Variants in NFKBIZ observed in about 807,000 individuals in gnomAD.
The protein encoded by NFKBIZ is NF-kappa-B inhibitor zeta.
A neutral mutation model predicts 76.8 loss-of-function variants in NFKBIZ; 19 were observed. The observed-to-expected ratio is 0.25, with a 90% CI of 0.17 to 0.36. The LOEUF (loss-of-function observed/expected upper bound fraction) is 0.36. Ranked by LOEUF, NFKBIZ falls within the 10% of genes least tolerant of loss-of-function variation. NFKBIZ has a pLI of 1.00. For missense variants in NFKBIZ, 829 were observed against 910.9 expected (o/e 0.91, Z 1.16); for synonymous variants, 368 against 354.8 (o/e 1.04, Z -0.42).
At chr3:101,834,156 G>A (rs970797557) in intron 2 of NFKBIZ, among the ~76,000 whole-genome samples, 5 of 152,114 alleles carry the variant, frequency 3.3e-5, no homozygotes, top group South Asian at 2.1e-4. Flanking sequence ...GGAACAGAAT[G>A]TGAAGGTTAA....
chr3:101,847,935 G>A (rs1446450985), upstream of NFKBIZ, among the ~76,000 whole-genome samples: 3 of 152,332 alleles, frequency 2.0e-5, no homozygotes, highest in African/African-American at 4.8e-5. Flanking sequence ...CTGTTCACCT[G>A]GTCGTGGCTC....
chr3:101,829,107 C>A (rs1192744871), intron 1 of NFKBIZ, among the ~76,000 whole-genome samples: 2 of 152,180 alleles, frequency 1.3e-5, no homozygotes, highest in African/African-American at 2.4e-5. Flanking sequence ...AGGCAGATAA[C>A]CCTGCCTGTT....
In NFKBIZ at chr3:101,853,560, G is replaced by T; in HGVS notation, c.1034G>T (p.Gly345Val). 6.2e-7 allele frequency: 1 copy of T among 1,614,176 alleles called. No individual in the cohort carries two copies. The highest frequency in any genetic ancestry group is 8.5e-7 in the Non-Finnish European group (1 of 1,180,034). Residue 345 changes from glycine to valine, a missense_variant, in exon 5 of 12, where the codon GGT (glycine) becomes GTT (valine). Around this residue, in one of 4 missense-constraint regions of NFKBIZ, gnomAD observed 371 missense variants for 332.3 expected, o/e 1.12. Coordinates refer to ENST00000326172, the MANE Select transcript of NFKBIZ (RefSeq NM_031419.4). ...CPNQSLVSLL[G>V]DQRESENIAN... ...AACCAAAGCTTAGTTTCCCTTCTTG[G>T]TGATCAAAGGGAATCTGAGAATATT...
Position 101,853,240 on chromosome 3 carries a change from C to T in NFKBIZ, c.714C>T (p.Ser238=), listed in dbSNP as rs1413686537. The T allele has an allele frequency of 3.7e-6, 6 of 1,614,048 alleles. No individual in the cohort carries two copies. In the Admixed American group the frequency reaches 8.3e-5, roughly 22 times the overall value. Residue 238 remains serine (S), a synonymous_variant, in exon 5 of 12, where the codon AGC becomes AGT. Coordinates refer to ENST00000326172, the MANE Select transcript of NFKBIZ (RefSeq NM_031419.4). Reference sequence around the variant, plus strand: ...TTTCCCTGAACACAGTTCAAGTTAGCTGGCTGAACCCCGTGGTGGTCCCTC... The same window carrying T: ...TTTCCCTGAACACAGTTCAAGTTAGTTGGCTGAACCCCGTGGTGGTCCCTC... ...SPVSLNTVQV[S]WLNPVVVPQS...
intron 9 of NFKBIZ, chr3:101,856,844 T>C (rs1183944846): frequency 2.3e-6 from 1 of 442,644 alleles, no homozygotes; most frequent in African/African-American, 2.0e-5. Context: ...CCACCCTGTA[T>C]AAAAAGGTAC....
rs1943065086 is a variant in NFKBIZ, at chr3:101,857,356, A to C, written c.2000A>C (p.Asp667Ala). 6.2e-7 allele frequency: 1 copy of C among 1,614,076 alleles called. No individual in the cohort carries two copies. The highest frequency in any genetic ancestry group is 8.5e-7 in the Non-Finnish European group (1 of 1,180,038). ...ASLQYRLTQLDAVRLLMRKGA... is the reference protein window; with the variant it reads ...ASLQYRLTQLAAVRLLMRKGA... ...TTGCAGTATCGGTTGACACAATTAG[A>C]TGCTGTCCGCCTGTTGATGAGGAAG... Residue 667 changes from aspartate (D) to alanine (A), a missense_variant, in exon 11 of 12, where the codon GAT (aspartate) becomes GCT (alanine). Transcript: ENST00000326172.
intron 8 of NFKBIZ, 32 bp from the exon 9 acceptor site, chr3:101,855,701 T>C (rs1388098674): frequency 6.4e-7 from 1 of 1,559,238 alleles, no homozygotes; most frequent in Non-Finnish European, 8.7e-7. Flanking sequence ...GATGGGATGC[T>C]TGACCACTGC....
intron 2 of NFKBIZ, among the ~76,000 whole-genome samples, chr3:101,834,437 T>G (rs1942688417): frequency 6.6e-6 from 1 of 152,106 alleles, no homozygotes; most frequent in Non-Finnish European, 1.5e-5. Flanking sequence ...CTTGGCTCAC[T>G]ACAATCTCTG....
chr3:101,840,205 A>G (rs1165697627), intron 2 of NFKBIZ, among the ~76,000 whole-genome samples: 2 of 152,188 alleles, frequency 1.3e-5, no homozygotes, highest in African/African-American at 2.4e-5. Flanking sequence ...AGTCAGAGAA[A>G]GCAGAAGAAG....
At chr3:101,846,831 C>T (rs1455179730), upstream of NFKBIZ, among the ~76,000 whole-genome samples, 2 of 152,164 alleles carry the variant, frequency 1.3e-5, no homozygotes, top group African/African-American at 4.8e-5. Flanking sequence ...GATTGGCTCA[C>T]ACAATTATGC....
At chr3:101,847,168 A>G, upstream of NFKBIZ, among the ~76,000 whole-genome samples, 1 of 152,268 alleles carries the variant, frequency 6.6e-6, no homozygotes, top group East Asian at 1.9e-4. Flanking sequence ...ACACTCTCAC[A>G]GACATACCCC....
At chr3:101,843,108 A>G (rs1942809520) in intron 2 of NFKBIZ, among the ~76,000 whole-genome samples, 1 of 151,252 alleles carries the variant, frequency 6.6e-6, no homozygotes, top group African/African-American at 2.4e-5. Context: ...GGTTTTACAG[A>G]AGACAGATTT....
chr3:101,829,507 T>G (rs907779816), intron 1 of NFKBIZ: 2 of 152,158 alleles, frequency 1.3e-5, no homozygotes, highest in African/African-American at 4.8e-5. Context: ...AGGGGAAAGA[T>G]TTTCTAATTG....
In NFKBIZ at chr3:101,854,015, A is replaced by G. The variant is rs181271143; in HGVS notation, c.1337+152A>G. The G allele has an allele frequency of 1.0e-4, 79 of 768,122 alleles. 1 individual carries two copies. In the East Asian group the frequency reaches 2.0e-3, roughly 20 times the overall value. The allele number at this position is 768,122 out of a possible 1,614,324, so 47.6% of individuals were successfully genotyped here. The stretch of plus-strand genomic sequence containing the variant: ...TGTAGATAGAAACCGCCACTCAGTG[A>G]TAGCTAGTATGTCAAGAAAGGGTTT... On this transcript the variant is annotated intron_variant, in intron 5 of 11. Transcript: ENST00000326172.
In NFKBIZ at chr3:101,859,726, G is replaced by T; in HGVS notation, c.*355G>T. On this transcript the variant is annotated 3_prime_UTR_variant, in exon 12 of 12. Transcript: ENST00000326172. Reference sequence around the variant, plus strand: ...TTGACAGTTTCAAAGCAGGTAAATTGTAAATGTTTCTTTAAGAAAAAGCAT... The same window carrying T: ...TTGACAGTTTCAAAGCAGGTAAATTTTAAATGTTTCTTTAAGAAAAAGCAT... The T allele has an allele frequency of 5.9e-6, 1 of 170,008 alleles. No homozygotes were observed. The highest frequency in any genetic ancestry group is 1.3e-5 in the Non-Finnish European group (1 of 78,042). 10.5% of individuals were successfully genotyped at this position (170,008 alleles called of 1,614,324 possible).
At chr3:101,830,205 G>T (rs1180787109) in intron 2 of NFKBIZ, among the ~76,000 whole-genome samples, 1 of 152,308 alleles carries the variant, frequency 6.6e-6, no homozygotes, top group South Asian at 2.1e-4. Context: ...GCCGCTGATG[G>T]AGTTAGTGGA....
chr3:101,849,353 G>GAGGGCGC (rs1942906402), upstream of NFKBIZ: 2 of 311,904 alleles, frequency 6.4e-6, no homozygotes, highest in Non-Finnish European at 1.2e-5. Context: ...GCGGAGGGCG[G>GAGGGCGC]AGGGCGCATT....
intron 2 of NFKBIZ, among the ~76,000 whole-genome samples, chr3:101,843,040 A>C (rs1942808459): frequency 6.7e-6 from 1 of 148,358 alleles, no homozygotes; most frequent in Non-Finnish European, 1.5e-5. Context: ...AAAAAAAAAA[A>C]AAAAAAAACT....
chr3:101,855,244 G>T, intron 7 of NFKBIZ, 36 bp downstream of exon 7: 1 of 1,600,836 alleles, frequency 6.2e-7, no homozygotes. Flanking sequence ...ATCATTGCAA[G>T]GCCAGAGAGA....
Sources: allele counts gnomAD v4.1 joint callset (sites outside exome capture counted in the v4.1 genomes callset), GRCh38; gene constraint gnomAD v4.1.1; regional missense constraint gnomAD v4.1.1; transcripts MANE v1.5; gene names NCBI Gene and HGNC (gene_info 2026-07-23, HGNC 2026-07-21).